DNER: variants seen among roughly 807,000 people sequenced by gnomAD.
The protein encoded by DNER is delta/notch like EGF repeat containing.
DNER carries 33 observed loss-of-function variants against 78.2 expected under a neutral mutation model. The ratio of observed to expected loss-of-function variants is 0.42; its 90% CI spans 0.32 to 0.56. DNER has a LOEUF of 0.56. Among genes scored for constraint, DNER ranks in the 20% least tolerant of loss-of-function variants. The pLI, the probability that DNER is intolerant of heterozygous loss-of-function variation, is 0.11. For missense variants in DNER, 918 were observed against 975.3 expected, an observed-to-expected ratio of 0.94 and a Z score of 0.78; for synonymous variants, 417 against 384.8, an observed-to-expected ratio of 1.08 and a Z score of -0.98.
chr2:229,405,623 T>G (rs1206181298), intron 10 of DNER, among the ~76,000 whole-genome samples: 1 of 152,182 alleles, frequency 6.6e-6, no homozygotes, highest in Non-Finnish European at 1.5e-5. Flanking sequence ...TATACATATA[T>G]TTTTAAGTAA....
In DNER at chr2:229,575,329, T is replaced by C. The variant is rs959260274; in HGVS notation, c.847+10529A>G. 4.6e-5 allele frequency among the ~76,000 whole-genome samples: 7 copies of C among 152,252 alleles called. No individual in the cohort carries two copies. In the East Asian group the frequency reaches 1.4e-3, roughly 29 times the overall value. On this transcript the variant is annotated intron_variant, in intron 4 of 12. Transcript: ENST00000341772. ...TTGTAGAATATCTGCAACTGCTCTGTTCTATTAAATTTTGAAACTGATGCT... is the reference window on the plus strand; with the variant it reads ...TTGTAGAATATCTGCAACTGCTCTGCTCTATTAAATTTTGAAACTGATGCT...
chr2:229,591,297 A>G lies in DNER; in HGVS notation c.585+283T>C, dbSNP rs775386899. Among the ~76,000 whole-genome samples, 3 of 152,228 alleles carry G rather than the reference A, an allele frequency of 2.0e-5. No homozygotes were observed. Among genetic ancestry groups the G allele is most frequent in the Non-Finnish European group, 2.9e-5 (2 of 68,044 alleles). ...AGGGTCCTATGACATGTTCCTTTAC[A>G]TGACTACACTGAGCTGTCTTCCCCA... is the stretch of plus-strand genomic sequence containing the variant. On this transcript the variant is annotated intron_variant, in intron 2 of 12. Coordinates refer to ENST00000341772, the MANE Select transcript of DNER (RefSeq NM_139072.4). This position sits in a 1 kb window ranked among gnomAD's most constrained non-coding sequence, Gnocchi z 4.6.
chr2:229,590,587 A>T (rs1471243623), intron 2 of DNER, among the ~76,000 whole-genome samples: 1 of 152,162 alleles, frequency 6.6e-6, no homozygotes, highest in Non-Finnish European at 1.5e-5. Context: ...AGGTGGTTAG[A>T]TCAGCAGGGC....
intron 4 of DNER, among the ~76,000 whole-genome samples, chr2:229,568,496 T>G (rs955659459): frequency 6.6e-6 from 1 of 152,230 alleles, no homozygotes; most frequent in Non-Finnish European, 1.5e-5. Context: ...TTTAATATTC[T>G]AAAGGAAATG....
chr2:229,416,286 T>A (rs1186444901), intron 9 of DNER, among the ~76,000 whole-genome samples: 1 of 152,232 alleles, frequency 6.6e-6, no homozygotes, highest in Non-Finnish European at 1.5e-5. Flanking sequence ...ACTTCCTTTC[T>A]TGAGTGTTTA....
At chr2:229,427,487 C>T (rs979259265) in intron 8 of DNER, among the ~76,000 whole-genome samples, 1 of 152,126 alleles carries the variant, frequency 6.6e-6, no homozygotes, top group Non-Finnish European at 1.5e-5. Flanking sequence ...AGGGGAAAAA[C>T]ATCAATCAAT....
chr2:229,588,322 C>A, intron 3 of DNER, 72 bp downstream of exon 3: 1 of 1,416,414 alleles, frequency 7.1e-7, no homozygotes, highest in Non-Finnish European at 9.9e-7. Flanking sequence ...ACACCAGGTC[C>A]GCGGATGGAC....
At chr2:229,550,243 T>G (rs1241267441) in intron 4 of DNER, among the ~76,000 whole-genome samples, 1 of 151,954 alleles carries the variant, frequency 6.6e-6, no homozygotes. Flanking sequence ...TCCTCCCGCC[T>G]CGGCCTCCCA....
intron 1 of DNER, among the ~76,000 whole-genome samples, chr2:229,671,279 C>T (rs908342504): frequency 3.5e-4 from 54 of 152,322 alleles, no homozygotes; most frequent in Non-Finnish European, 6.9e-4. Flanking sequence ...TAGGCGCCAG[C>T]CATACTCGGC....
At chr2:229,603,852 C>T in intron 1 of DNER, among the ~76,000 whole-genome samples, 1 of 152,078 alleles carries the variant, frequency 6.6e-6, no homozygotes, top group Admixed American at 6.6e-5. Context: ...ACATATCTGA[C>T]ATACTCTTTG....
intron 5 of DNER, among the ~76,000 whole-genome samples, chr2:229,522,783 G>A (rs567676215): frequency 3.5e-4 from 54 of 152,278 alleles, no homozygotes; most frequent in African/African-American, 1.2e-3. Flanking sequence ...ATGGAAAGCC[G>A]ATGGGGACGG....
At chr2:229,537,385 G>A (rs1254332593) in intron 5 of DNER, among the ~76,000 whole-genome samples, 1 of 152,168 alleles carries the variant, frequency 6.6e-6, no homozygotes, top group Non-Finnish European at 1.5e-5. Flanking sequence ...AGGCATTAGA[G>A]GCAGTGTTGC....
chr2:229,458,982 C>T (rs1430432661), intron 7 of DNER, among the ~76,000 whole-genome samples: 1 of 151,760 alleles, frequency 6.6e-6, no homozygotes, highest in Non-Finnish European at 1.5e-5. Context: ...TAATAAGCAA[C>T]TGGAAATTAA....
At chr2:229,650,718 C>T (rs1270411090) in intron 1 of DNER, among the ~76,000 whole-genome samples, 1 of 152,174 alleles carries the variant, frequency 6.6e-6, no homozygotes, top group African/African-American at 2.4e-5. Flanking sequence ...ACGGGCTCTA[C>T]TTACCTGCCC....
chr2:229,675,376 A>G (rs995675847), intron 1 of DNER, among the ~76,000 whole-genome samples: 32 of 152,338 alleles, frequency 2.1e-4, no homozygotes, highest in African/African-American at 7.7e-4. Flanking sequence ...ACCAACTGCC[A>G]GGCACTGTCA....
chr2:229,576,326 C>A (rs533192920), intron 4 of DNER, among the ~76,000 whole-genome samples: 173 of 111,788 alleles, frequency 1.5e-3, no homozygotes, highest in African/African-American at 6.0e-3. Context: ...AAGTTTCTCT[C>A]TCTTTTTTTT....
At position 229,673,846 on chromosome 2, in the gene DNER, G is replaced by A. The variant is rs113064188; in HGVS notation, c.276+40302C>T. ...CATGGCTCTTTGCTCTGAGGCTGAC[G>A]CATACGGACAAACACAAAGACTCAT... is the stretch of plus-strand genomic sequence containing the variant. On this transcript the variant is annotated intron_variant, in intron 1 of 12. Transcript: ENST00000341772. 1.2e-3 allele frequency among the ~76,000 whole-genome samples: 185 copies of A among 152,328 alleles called. 1 individual carries two copies. The highest frequency in any genetic ancestry group is 4.2e-3 in the African/African-American group (175 of 41,578).
intron 10 of DNER, among the ~76,000 whole-genome samples, chr2:229,397,564 T>G (rs1693176340): frequency 6.9e-6 from 1 of 145,628 alleles, no homozygotes; most frequent in Admixed American, 7.0e-5. Context: ...CACCAAACAA[T>G]AACAGAATGC....
intron 7 of DNER, among the ~76,000 whole-genome samples, chr2:229,462,557 T>G (rs2154210901): frequency 6.6e-6 from 1 of 152,190 alleles, no homozygotes; most frequent in African/African-American, 2.4e-5. Context: ...TTCTTGCAAC[T>G]TGGCTGCTAC....
Sources: allele counts gnomAD v4.1 joint callset (sites outside exome capture counted in the v4.1 genomes callset), GRCh38; gene constraint gnomAD v4.1.1; non-coding constraint Gnocchi (gnomAD v3.1); transcripts MANE v1.5; gene names NCBI Gene and HGNC (gene_info 2026-07-23, HGNC 2026-07-21).